PSMD8: variants seen among roughly 807,000 people sequenced by gnomAD.
PSMD8 encodes 26S proteasome non-ATPase regulatory subunit 8.
PSMD8 carries 30 observed loss-of-function variants against 40.0 expected under a neutral mutation model. The ratio of observed to expected loss-of-function variants is 0.75; its 90% CI spans 0.56 to 1.02. PSMD8 has a LOEUF of 1.02. Among genes scored for constraint, PSMD8 ranks in the 50% least tolerant of loss-of-function variants. PSMD8 has a pLI of 0.00. For synonymous variants in PSMD8, 208 were observed against 192.5 expected, an observed-to-expected ratio of 1.08 and a Z score of -0.67; for missense variants, 461 against 463.9, an observed-to-expected ratio of 0.99 and a Z score of 0.06.
rs1442364415 is a variant in PSMD8, at chr19:38,378,274, A to T, written c.537-966A>T. 4.2e-4 allele frequency among the ~76,000 whole-genome samples: 63 copies of T among 151,088 alleles called. 1 individual carries two copies. The highest frequency in any genetic ancestry group is 3.0e-5 in the Non-Finnish European group (2 of 67,720). On this transcript the variant is annotated intron_variant, in intron 3 of 6. Coordinates refer to ENST00000215071, the MANE Select transcript of PSMD8 (RefSeq NM_002812.5). Reference sequence around the variant, plus strand: ...TGTAATCCCAGCACTTTGGGAGGCCAAGGTGGGCGGATCATGAGCTTAGGA... The same window carrying T: ...TGTAATCCCAGCACTTTGGGAGGCCTAGGTGGGCGGATCATGAGCTTAGGA...
chr19:38,381,150 G>C, intron 5 of PSMD8, 151 bp downstream of exon 5: 1 of 615,522 alleles, frequency 1.6e-6, no homozygotes, highest in East Asian at 3.0e-5. Context: ...CCTTTTCAGT[G>C]AATTGGGCCT....
chr19:38,375,939 C>T (rs1323397955), intron 1 of PSMD8, among the ~76,000 whole-genome samples: 1 of 152,202 alleles, frequency 6.6e-6, no homozygotes, highest in Non-Finnish European at 1.5e-5. Flanking sequence ...TCCTTGTTTC[C>T]CCAGTGGGGC....
rs369208449 is a variant in PSMD8, at chr19:38,374,809, A to G, written c.208A>G (p.Asn70Asp). The G allele has an allele frequency of 6.4e-6, 10 of 1,573,470 alleles. No individual in the cohort carries two copies. Among genetic ancestry groups the G allele is most frequent in the African/African-American group, 2.7e-5 (2 of 74,282 alleles). The change falls in exon 1 of 7, where the codon AAC becomes GAC. Residue 70 changes from asparagine to aspartate, a missense_variant. Around this residue, in one of 2 missense-constraint regions of PSMD8, gnomAD observed 225 missense variants for 142.7 expected, o/e 1.58. Coordinates refer to ENST00000215071, the MANE Select transcript of PSMD8 (RefSeq NM_002812.5). ...ACGCAAGATGGCGGCCGCGGCGGTG[A>G]ACGGGGCGGCAGGCTTCTCGAGCTC... ...ASRKMAAAAVNGAAGFSSSGP... is the reference protein window; with the variant it reads ...ASRKMAAAAVDGAAGFSSSGP...
In PSMD8 at chr19:38,378,540, G is replaced by T. The variant is rs565945294; in HGVS notation, c.537-700G>T. ...AAAAAAAAAAAATTAGCTGGGCATG[G>T]TGGTGTGCACTTGTAGTCCCAGCTA... On this transcript the variant is annotated intron_variant, in intron 3 of 6. Coordinates refer to ENST00000215071, the MANE Select transcript of PSMD8 (RefSeq NM_002812.5). Among the ~76,000 whole-genome samples, 14 of 151,404 alleles carry T rather than the reference G, an allele frequency of 9.2e-5. No homozygotes were observed. In the South Asian group the frequency reaches 2.9e-3, roughly 32 times the overall value.
rs1450980199 is a variant in PSMD8 at position 38,376,367 on chromosome 19, T to C, written c.449T>C (p.Ile150Thr). 1.9e-6 allele frequency: 3 copies of C among 1,552,362 alleles called. No individual in the cohort carries two copies. The South Asian group carries it at 3.6e-5, about 18-fold the overall frequency. ...QLILARDILE[I>T]GAQWSILRKD... ...TCACCCACAGGTGACATACTGGAGA[T>C]CGGGGCCCAATGGAGCATCCTACGC... The change falls in exon 3 of 7, where the codon ATC becomes ACC. Residue 150 changes from isoleucine to threonine, a missense_variant. Ile to Thr is a moderately conservative substitution (Grantham distance 89). Around this residue, in one of 2 missense-constraint regions of PSMD8, gnomAD observed 236 missense variants for 321.2 expected, o/e 0.73. Coordinates refer to ENST00000215071, the MANE Select transcript of PSMD8 (RefSeq NM_002812.5).
chr19:38,376,645 A>G (rs1970600897), intron 3 of PSMD8, among the ~76,000 whole-genome samples, 191 bp downstream of exon 3: 1 of 151,826 alleles, frequency 6.6e-6, no homozygotes, highest in Non-Finnish European at 1.5e-5. Context: ...GTCTCCCCCT[A>G]CCCATTCCCA....
At chr19:38,382,318 G>T (rs1245736948) in intron 6 of PSMD8, 90 bp downstream of exon 6, 2 of 1,016,104 alleles carry the variant, frequency 2.0e-6, no homozygotes, top group South Asian at 2.7e-5. Flanking sequence ...ACTGGAACAA[G>T]ACTGCCCAGG....
At chr19:38,374,987 G>T (rs1011139793) in intron 1 of PSMD8, 26 bp downstream of exon 1, 5 of 1,540,514 alleles carry the variant, frequency 3.2e-6, no homozygotes, top group East Asian at 2.4e-5. Context: ...CCAGGAAACC[G>T]AGTGTTGCGG....
chr19:38,380,885 C>T lies in PSMD8; in HGVS notation c.703-14C>T. On this transcript the variant is annotated splice_polypyrimidine_tract_variant and intron_variant, in intron 4 of 6. Coordinates refer to ENST00000215071, the MANE Select transcript of PSMD8 (RefSeq NM_002812.5). ...TCTTCATTCTCTCTTCTTCCCCCTTCCCGGCTTCTGCAGTACCTGATGGAG... is the reference window on the plus strand; with the variant it reads ...TCTTCATTCTCTCTTCTTCCCCCTTTCCGGCTTCTGCAGTACCTGATGGAG... The T allele has an allele frequency of 6.5e-7, 1 of 1,549,420 alleles. No individual in the cohort carries two copies. The highest frequency in any genetic ancestry group is 1.4e-5 in the African/African-American group (1 of 73,088).
intron 5 of PSMD8, chr19:38,381,218 T>C (rs985271101): frequency 2.1e-6 from 1 of 486,402 alleles, no homozygotes; most frequent in East Asian, 3.5e-5. Flanking sequence ...TTGACATGTG[T>C]GGCCACGTGT....
intron 5 of PSMD8, 39 bp from the exon 6 acceptor site, chr19:38,382,078 T>C (rs763954795): frequency 6.8e-7 from 1 of 1,480,462 alleles, no homozygotes; most frequent in South Asian, 1.2e-5. Flanking sequence ...TGGGAGGTTG[T>C]TGATGCTCAG....
At chr19:38,380,789 T>C in intron 4 of PSMD8, 110 bp from the exon 5 acceptor site, 1 of 817,694 alleles carries the variant, frequency 1.2e-6, no homozygotes, top group Non-Finnish European at 1.9e-6. Flanking sequence ...GGTGTGGCTG[T>C]GTGGCAAAGG....
Position 38,382,107 on chromosome 19 carries a change from C to T in PSMD8, c.804-10C>T, listed in dbSNP as rs1182345629. On this transcript the variant is annotated splice_polypyrimidine_tract_variant and intron_variant, in intron 5 of 6. Coordinates refer to ENST00000215071, the MANE Select transcript of PSMD8 (RefSeq NM_002812.5). ...TGCTCAGTAATGAGGAGCTTCTCATCTTCCCCCAGGGATGAGATCGCTGGG... is the reference window on the plus strand; with the variant it reads ...TGCTCAGTAATGAGGAGCTTCTCATTTTCCCCCAGGGATGAGATCGCTGGG... 2.6e-6 allele frequency: 4 copies of T among 1,554,618 alleles called. No homozygotes were observed. The highest frequency in any genetic ancestry group is 1.9e-5 in the Admixed American group (1 of 51,582).
At position 38,380,769 on chromosome 19, in the gene PSMD8, C is replaced by T. The variant is rs558142637; in HGVS notation, c.703-130C>T. The T allele has an allele frequency of 3.8e-5, 24 of 625,548 alleles. No individual in the cohort carries two copies. The East Asian group carries it at 7.4e-4, about 19-fold the overall frequency. The allele number at this position is 625,548 out of a possible 1,614,324, so 38.7% of individuals were successfully genotyped here. A position where few individuals can be genotyped will look rare whatever the true frequency, so the allele number is the denominator to read the frequency against. ...AAGGGCTTTCTGGAAGAGGGGGTAC[C>T]CAGGGCAGGGGTGTGGCTGTGTGGC... On this transcript the variant is annotated intron_variant, in intron 4 of 6. Coordinates refer to ENST00000215071, the MANE Select transcript of PSMD8 (RefSeq NM_002812.5).
chr19:38,378,955 AAAAT>A (rs1489247795), intron 3 of PSMD8, among the ~76,000 whole-genome samples: 1 of 152,222 alleles, frequency 6.6e-6, no homozygotes, highest in Non-Finnish European at 1.5e-5. Flanking sequence ...TCCTTCTCAA[AAAAT>A]AAATAAAAGG....
rs1334460589 is a variant in PSMD8, at chr19:38,382,187, T to C, written c.874T>C (p.Phe292Leu). ...ILFTEATRIL[F>L]FNTPKKMTDY... ...TTTCACTGAGGCCACCCGGATCCTC[T>C]TCTTCAACACACCCAAAAAGATGAC... Residue 292 changes from phenylalanine to leucine, a missense_variant, in exon 6 of 7, where the codon TTC (phenylalanine) becomes CTC (leucine). This residue lies in a region of PSMD8 where 236 missense variants were observed against 321.2 expected (regional missense o/e 0.73). Transcript: ENST00000215071. 1.3e-6 allele frequency: 2 copies of C among 1,596,956 alleles called. No individual in the cohort carries two copies. Among genetic ancestry groups the C allele is most frequent in the Non-Finnish European group, 8.5e-7 (1 of 1,172,122 alleles).
Position 38,382,190 on chromosome 19 carries a change from T to C in PSMD8, c.877T>C (p.Phe293Leu). ...CACTGAGGCCACCCGGATCCTCTTC[T>C]TCAACACACCCAAAAAGATGACAGA... ...LFTEATRILF[F>L]NTPKKMTDYA... The change falls in exon 6 of 7, where the codon TTC (phenylalanine) becomes CTC (leucine). Residue 293 changes from phenylalanine to leucine, a missense_variant. Physicochemically the swap from Phe to Leu is conservative, Grantham distance 22. Transcript: ENST00000215071. The C allele has an allele frequency of 6.3e-7, 1 of 1,597,110 alleles. No individual in the cohort carries two copies. The highest frequency in any genetic ancestry group is 8.5e-7 in the Non-Finnish European group (1 of 1,172,194).
intron 4 of PSMD8, among the ~76,000 whole-genome samples, chr19:38,379,798 G>A (rs967064195): frequency 6.6e-6 from 1 of 152,210 alleles, no homozygotes; most frequent in African/African-American, 2.4e-5. Flanking sequence ...AGGTGAAATT[G>A]GAGAAAGACT....
At chr19:38,382,067 C>T in intron 5 of PSMD8, 50 bp from the exon 6 acceptor site, 1 of 1,380,950 alleles carries the variant, frequency 7.2e-7, no homozygotes, top group Non-Finnish European at 1.0e-6. Flanking sequence ...GGGACAGGTC[C>T]TGGGAGGTTG....
Sources: allele counts gnomAD v4.1 joint callset (sites outside exome capture counted in the v4.1 genomes callset), GRCh38; gene constraint gnomAD v4.1.1; regional missense constraint gnomAD v4.1.1; transcripts MANE v1.5; gene names NCBI Gene and HGNC (gene_info 2026-07-23, HGNC 2026-07-21).